Variants in NCAPD3 observed in about 807,000 individuals in gnomAD.
NCAPD3 encodes the protein condensin-2 complex subunit D3.
In NCAPD3, 105 loss-of-function variants were observed where a neutral mutation model predicts 182.9. That is an observed-to-expected ratio of 0.57 (90% CI 0.49 to 0.68). NCAPD3 has a LOEUF of 0.68. Among genes scored for constraint, NCAPD3 ranks in the 30% least tolerant of loss-of-function variants. The pLI is 0.00. For missense variants in NCAPD3, 1,944 were observed against 1,837.0 expected (o/e 1.06, Z -1.07); for synonymous variants, 815 against 679.9 (o/e 1.20, Z -3.09).
intron 4 of NCAPD3, chr11:134,209,683 T>C (rs1937755374): frequency 1.8e-5 from 9 of 489,790 alleles, no homozygotes; most frequent in Non-Finnish European, 3.2e-5. Context: ...TACAGTAGTT[T>C]CTAGTTTTGT....
chr11:134,167,529 C>A (rs1462753772), intron 27 of NCAPD3, among the ~76,000 whole-genome samples: 1 of 134,470 alleles, frequency 7.4e-6, no homozygotes, highest in African/African-American at 2.9e-5. Flanking sequence ...GGGAGCTGCA[C>A]ACTCACTAGT....
chr11:134,168,029 G>C lies in NCAPD3; in HGVS notation c.3540C>G (p.Val1180=). The change falls in exon 27 of 35, where the codon GTC becomes GTG. Residue 1180 remains valine, a synonymous_variant. Coordinates refer to ENST00000534548, the MANE Select transcript of NCAPD3 (RefSeq NM_015261.3). ...EEDDMALANV[V]MQEAQKKLIS... Reference sequence around the variant, plus strand: ...TGAGCTTCTTCTGAGCTTCCTGCATGACTACATTTGCCAAGGCCATGTCAT... The same window carrying C: ...TGAGCTTCTTCTGAGCTTCCTGCATCACTACATTTGCCAAGGCCATGTCAT... 1 of 1,614,104 alleles carries C rather than the reference G, an allele frequency of 6.2e-7. No individual in the cohort carries two copies. The highest frequency in any genetic ancestry group is 8.5e-7 in the Non-Finnish European group (1 of 1,179,974).
intron 3 of NCAPD3, among the ~76,000 whole-genome samples, chr11:134,212,379 G>GTGTGTGTA (rs1937868582): frequency 6.7e-6 from 1 of 149,396 alleles, no homozygotes; most frequent in African/African-American, 2.5e-5. Context: ...GTTGTTTTGT[G>GTGTGTGTA]TGTGTGTGTG....
rs573265086 is a variant in NCAPD3 at position 134,159,596 on chromosome 11, G to A, written c.3867+296C>T. ...GGTCTGCTCTAAAGAGGGAGTGCTG[G>A]GGGAAGATGCGGACACACTGACACA... On this transcript the variant is annotated intron_variant, in intron 29 of 34. Coordinates refer to ENST00000534548, the MANE Select transcript of NCAPD3 (RefSeq NM_015261.3). Among the ~76,000 whole-genome samples the A allele has an allele frequency of 2.6e-5, 4 of 152,330 alleles. No homozygotes were observed. In the South Asian group the frequency reaches 8.3e-4, roughly 32 times the overall value.
intron 20 of NCAPD3, among the ~76,000 whole-genome samples, chr11:134,179,878 G>A (rs888927947): frequency 2.0e-5 from 3 of 152,078 alleles, no homozygotes; most frequent in Non-Finnish European, 4.4e-5. Flanking sequence ...GAGTTTAAAA[G>A]AATCTTGAAA....
At position 134,177,247 on chromosome 11, in the gene NCAPD3, G is replaced by T; in HGVS notation, c.2993C>A (p.Thr998Lys). 1.2e-6 allele frequency: 2 copies of T among 1,614,180 alleles called. No homozygotes were observed. Among genetic ancestry groups the T allele is most frequent in the Non-Finnish European group, 1.7e-6 (2 of 1,179,978 alleles). ...KDSDPFIRKQ[T>K]LILLTNLLQE... ...CAAGAGATTGGTAAGCAAGATGAGT[G>T]TCTGCTTCCGGATGAATGGGTCGGA... The change falls in exon 23 of 35, where the codon ACA becomes AAA. Residue 998 changes from threonine (T) to lysine (K), a missense_variant. By Grantham distance (78) the Thr-to-Lys change is moderately conservative (BLOSUM62 -1). This residue lies in a region of NCAPD3 where 1,803 missense variants were observed against 1,674.6 expected (regional missense o/e 1.08). Coordinates refer to ENST00000534548, the MANE Select transcript of NCAPD3 (RefSeq NM_015261.3).
chr11:134,156,835 G>C, intron 32 of NCAPD3, 183 bp downstream of exon 32: 1 of 519,002 alleles, frequency 1.9e-6, no homozygotes, highest in South Asian at 3.1e-5. Context: ...CAACATACTC[G>C]GTCAGTGCTC....
In NCAPD3 at chr11:134,162,854, TCTCAAGGG is replaced by T. The variant is rs149966608; in HGVS notation, c.3574-971_3574-964del. On this transcript the variant is annotated intron_variant, in intron 27 of 34. Transcript: ENST00000534548. Reference sequence around the variant, plus strand: ...TCCAGCCACTTCTAGAAAGTGTGTGTCTCAAGGGAAGAGGTGTTAAGTGGCAGGGTGTT... The same window carrying T: ...TCCAGCCACTTCTAGAAAGTGTGTGTAAGAGGTGTTAAGTGGCAGGGTGTT... 2.2e-4 allele frequency among the ~76,000 whole-genome samples: 34 copies of T among 152,302 alleles called. No individual in the cohort carries two copies. The East Asian group carries it at 5.8e-3, about 26-fold the overall frequency.
chr11:134,181,877 T>G (rs1164353234), intron 19 of NCAPD3, among the ~76,000 whole-genome samples: 1 of 152,156 alleles, frequency 6.6e-6, no homozygotes, highest in African/African-American at 2.4e-5. Context: ...TATGTTGAAA[T>G]TATCTGCTGA....
At chr11:134,165,481 AGT>A (rs1340285795) in intron 27 of NCAPD3, among the ~76,000 whole-genome samples, 4 of 135,696 alleles carry the variant, frequency 2.9e-5, no homozygotes, top group East Asian at 2.4e-4. Flanking sequence ...AGCTTGGGGG[AGT>A]GGCACACTTG....
At chr11:134,178,412 G>C in intron 22 of NCAPD3, 1 of 383,862 alleles carries the variant, frequency 2.6e-6, no homozygotes. Flanking sequence ...CCTCTAGAGA[G>C]TACCTTAGTC....
intron 17 of NCAPD3, 57 bp downstream of exon 17, chr11:134,185,277 TG>T: frequency 9.7e-6 from 14 of 1,448,242 alleles, no homozygotes; most frequent in Non-Finnish European, 1.3e-5. Context: ...CCTTAAGTCT[TG>T]GGCTTTGTTT....
At chr11:134,216,215 G>A (rs1015782606) in intron 3 of NCAPD3, among the ~76,000 whole-genome samples, 1 of 152,154 alleles carries the variant, frequency 6.6e-6, no homozygotes, top group Non-Finnish European at 1.5e-5. Flanking sequence ...TTAAATATAA[G>A]ACCTTTTTGC....
At chr11:134,212,060 A>G (rs1937852964) in intron 3 of NCAPD3, among the ~76,000 whole-genome samples, 1 of 152,208 alleles carries the variant, frequency 6.6e-6, no homozygotes, top group Non-Finnish European at 1.5e-5. Flanking sequence ...ATCCCACCAA[A>G]AAGCAAAAAA....
intron 13 of NCAPD3, among the ~76,000 whole-genome samples, chr11:134,196,469 C>A (rs1944629858): frequency 6.6e-6 from 1 of 151,734 alleles, no homozygotes; most frequent in African/African-American, 2.4e-5. Context: ...CATGGTGAAA[C>A]CCTATCTCTA....
intron 24 of NCAPD3, among the ~76,000 whole-genome samples, chr11:134,175,569 G>A (rs1304827843): frequency 6.6e-6 from 1 of 152,180 alleles, no homozygotes; most frequent in Non-Finnish European, 1.5e-5. Context: ...CCCACTGTTA[G>A]CAGCCATTTA....
intron 24 of NCAPD3, among the ~76,000 whole-genome samples, chr11:134,175,802 G>A (rs533269179): frequency 1.4e-4 from 22 of 151,994 alleles, no homozygotes; most frequent in Non-Finnish European, 5.9e-5. Context: ...ACTCCCCCAC[G>A]CCACAGAAGT....
rs774928570 is a variant in NCAPD3 at position 134,193,969 on chromosome 11, T to C, written c.1824+47A>G. On this transcript the variant is annotated intron_variant, in intron 15 of 34. Transcript: ENST00000534548. ...AGGTAATTATTGTGTGGAATTACTT[T>C]TAATGTAAAATACCATGCATTACAT... The C allele has an allele frequency of 1.0e-5, 16 of 1,557,310 alleles. No homozygotes were observed. The South Asian group carries it at 1.9e-4, about 18-fold the overall frequency.
At chr11:134,164,714 A>C (rs1272290835) in intron 27 of NCAPD3, among the ~76,000 whole-genome samples, 1 of 150,440 alleles carries the variant, frequency 6.6e-6, no homozygotes, top group East Asian at 2.0e-4. Flanking sequence ...GGAGCTGTAC[A>C]CTCACTTGCG....
Sources: allele counts gnomAD v4.1 joint callset (sites outside exome capture counted in the v4.1 genomes callset), GRCh38; gene constraint gnomAD v4.1.1; regional missense constraint gnomAD v4.1.1; transcripts MANE v1.5; gene names NCBI Gene and HGNC (gene_info 2026-07-23, HGNC 2026-07-21).